Variants in LCORL observed in about 807,000 individuals in gnomAD.
LCORL encodes ligand-dependent nuclear receptor corepressor-like protein.
LCORL carries 41 observed loss-of-function variants against 141.8 expected under a neutral mutation model. The ratio of observed to expected loss-of-function variants is 0.29; its 90% CI spans 0.23 to 0.38. LCORL has a LOEUF of 0.38. LCORL is among the 10% of genes least tolerant of loss of function. The pLI is 1.00. For missense variants in LCORL, 1,759 were observed against 2,035.0 expected (o/e 0.86, Z 2.61); for synonymous variants, 618 against 694.1 (o/e 0.89, Z 1.72).
At chr4:17,905,105 T>C (rs1731409575) in intron 5 of LCORL, among the ~76,000 whole-genome samples, 1 of 152,164 alleles carries the variant, frequency 6.6e-6, no homozygotes. Context: ...ATTGCAAATG[T>C]AACTTTTTTA....
At chr4:17,923,453 C>T (rs1734612868) in intron 4 of LCORL, among the ~76,000 whole-genome samples, 1 of 152,212 alleles carries the variant, frequency 6.6e-6, no homozygotes, top group Admixed American at 6.5e-5. Flanking sequence ...CGAGACCAGC[C>T]TGGCCAACAT....
chr4:18,009,140 T>C (rs554801148), intron 1 of LCORL, among the ~76,000 whole-genome samples: 3 of 152,272 alleles, frequency 2.0e-5, no homozygotes, highest in African/African-American at 4.8e-5. Context: ...TCTATATCTA[T>C]ATATGATGAA....
At chr4:18,020,101 G>GC (rs1177266810) in intron 1 of LCORL, among the ~76,000 whole-genome samples, 1 of 152,104 alleles carries the variant, frequency 6.6e-6, no homozygotes, top group Non-Finnish European at 1.5e-5. Context: ...TCACTTAAAT[G>GC]CCCCCTAAAG....
chr4:17,884,431 A>T lies in LCORL; in HGVS notation c.776+1637T>A, dbSNP rs1458515991. ...ATTTTATTTCTGAGGTTTCAAGTAG[A>T]TTGAGTTTACTTTTTTCTGTGCGCT... On this transcript the variant is annotated intron_variant, in intron 6 of 7. Coordinates refer to ENST00000635767, the Ensembl canonical transcript of LCORL. The surrounding 1 kb of genome is among the most constrained non-coding windows in gnomAD (Gnocchi z 4.4). The T allele has an allele frequency of 1.3e-6, 2 of 1,550,056 alleles. No homozygotes were observed. Among genetic ancestry groups the T allele is most frequent in the Non-Finnish European group, 1.7e-6 (2 of 1,146,228 alleles).
chr4:18,016,558 A>G (rs751866557), intron 1 of LCORL, among the ~76,000 whole-genome samples: 12 of 152,176 alleles, frequency 7.9e-5, no homozygotes, highest in Non-Finnish European at 1.5e-4. Context: ...ACATGTGACT[A>G]TTAAGCCACC....
intron 6 of LCORL, among the ~76,000 whole-genome samples, chr4:17,879,072 C>T (rs1165617980): frequency 6.6e-6 from 1 of 151,018 alleles, no homozygotes; most frequent in Non-Finnish European, 1.5e-5. Flanking sequence ...TTGCCTTTCA[C>T]TTACAGTTTA....
intron 5 of LCORL, 96 bp downstream of exon 5, chr4:17,908,998 C>T (rs1732087716): frequency 2.6e-6 from 3 of 1,142,056 alleles, no homozygotes; most frequent in Non-Finnish European, 3.6e-6. Context: ...ATATTACATC[C>T]AAAATAAATT....
At chr4:17,946,513 A>C (rs772091259) in intron 4 of LCORL, among the ~76,000 whole-genome samples, 2 of 152,008 alleles carry the variant, frequency 1.3e-5, no homozygotes, top group African/African-American at 4.8e-5. Context: ...TCACAGACTT[A>C]AATTCATTTA....
chr4:17,912,211 C>G, intron 4 of LCORL: 1 of 772,178 alleles, frequency 1.3e-6, no homozygotes, highest in Non-Finnish European at 2.3e-6. Context: ...TGAGACAAAG[C>G]TGGCCGTGCG....
Position 18,008,754 on chromosome 4 carries a change from G to T in LCORL, c.154+12844C>A, listed in dbSNP as rs569895031. 3.9e-5 allele frequency among the ~76,000 whole-genome samples: 6 copies of T among 152,254 alleles called. No individual in the cohort carries two copies. The South Asian group carries it at 8.3e-4, about 21-fold the overall frequency. ...TCATTATTTCAAGGGGCAATTCTTG[G>T]TGCTGGAAAATCTGTAAGACAACAT... On this transcript the variant is annotated intron_variant, in intron 1 of 7. Transcript: ENST00000635767.
chr4:17,989,490 C>T (rs1461833883), intron 1 of LCORL, among the ~76,000 whole-genome samples: 2 of 152,116 alleles, frequency 1.3e-5, no homozygotes, highest in Admixed American at 1.3e-4. Flanking sequence ...AAGTAATAGA[C>T]AGTGAATTAC....
chr4:17,999,084 G>A (rs1418360885), intron 1 of LCORL, among the ~76,000 whole-genome samples: 1 of 145,352 alleles, frequency 6.9e-6, no homozygotes, highest in Non-Finnish European at 1.5e-5. Context: ...ATTATGTACT[G>A]TACATAATTG....
At chr4:18,019,254 G>A (rs1380405294) in intron 1 of LCORL, among the ~76,000 whole-genome samples, 4 of 152,154 alleles carry the variant, frequency 2.6e-5, no homozygotes, top group African/African-American at 9.7e-5. Flanking sequence ...CAGGAGAATC[G>A]CTTGAATCCA....
intron 4 of LCORL, among the ~76,000 whole-genome samples, chr4:17,960,563 T>A (rs1231746737): frequency 3.3e-5 from 5 of 152,152 alleles, no homozygotes; most frequent in Non-Finnish European, 7.4e-5. Flanking sequence ...ATTTTTCCTG[T>A]AAGTGAATAC....
At chr4:17,896,704 A>G (rs1729983054) in intron 5 of LCORL, among the ~76,000 whole-genome samples, 1 of 152,172 alleles carries the variant, frequency 6.6e-6, no homozygotes, top group African/African-American at 2.4e-5. Context: ...CATCACTTCA[A>G]GCATTTATCC....
intron 5 of LCORL, among the ~76,000 whole-genome samples, chr4:17,904,227 A>G (rs1351329019): frequency 6.6e-6 from 1 of 152,020 alleles, no homozygotes; most frequent in South Asian, 2.1e-4. Context: ...TCTTATAAGT[A>G]TCTTTTTCTT....
At chr4:17,986,104 T>TTACA (rs1396793804) in intron 1 of LCORL, among the ~76,000 whole-genome samples, 2 of 152,244 alleles carry the variant, frequency 1.3e-5, no homozygotes, top group East Asian at 3.8e-4. Context: ...CTCTTCTGGC[T>TTACA]TGTAGGGTTT....
At position 18,021,571 on chromosome 4, in the gene LCORL, CG is replaced by C. The variant is rs1261728170; in HGVS notation, c.154+26del. 339 of 1,507,754 alleles carry C rather than the reference CG, an allele frequency of 2.2e-4. 7 individuals carry two copies. In the East Asian group the frequency reaches 9.3e-3, roughly 42 times the overall value. The allele number at this position is 1,507,754 out of a possible 1,614,324, so 93.4% of individuals were successfully genotyped here. ...GCGACAGCGGTCGCCGCGCGGAGCCCGGGGCCCCGGCCCGCGTCTCTCTTAC... is the reference window on the plus strand; with the variant it reads ...GCGACAGCGGTCGCCGCGCGGAGCCCGGGCCCCGGCCCGCGTCTCTCTTAC... On this transcript the variant is annotated intron_variant, in intron 1 of 7. Transcript: ENST00000635767. The surrounding 1 kb of genome is among the most constrained non-coding windows in gnomAD (Gnocchi z 5.5).
At chr4:17,994,832 C>T (rs1296942990) in intron 1 of LCORL, among the ~76,000 whole-genome samples, 1 of 151,486 alleles carries the variant, frequency 6.6e-6, no homozygotes, top group African/African-American at 2.4e-5. Context: ...TGATAAATGC[C>T]ATACAATACT....
Sources: allele counts gnomAD v4.1 joint callset (sites outside exome capture counted in the v4.1 genomes callset), GRCh38; gene constraint gnomAD v4.1.1; non-coding constraint Gnocchi (gnomAD v3.1); transcripts MANE v1.5; gene names NCBI Gene and HGNC (gene_info 2026-07-23, HGNC 2026-07-21).